Variants in CRACDL observed in about 807,000 individuals in gnomAD.
CRACDL encodes CRACD-like protein.
Under a neutral mutation model 70.6 loss-of-function variants are expected in CRACDL, and 26 were observed. The observed-to-expected ratio is 0.37, with a 90% CI of 0.27 to 0.51. The LOEUF (loss-of-function observed/expected upper bound fraction) is 0.51. Ranked by LOEUF, CRACDL falls within the 20% of genes least tolerant of loss-of-function variation. The probability of loss-of-function intolerance (pLI) is 0.94; values close to 1 mark genes in which losing one functional copy is unlikely to be tolerated. For missense variants in CRACDL, 1,283 were observed against 1,376.9 expected, an observed-to-expected ratio of 0.93 and a Z score of 1.08; for synonymous variants, 618 against 615.2, an observed-to-expected ratio of 1.00 and a Z score of -0.07.
chr2:98,868,166 A>C (rs1194802086), intron 1 of CRACDL, among the ~76,000 whole-genome samples: 2 of 152,216 alleles, frequency 1.3e-5, no homozygotes, highest in Non-Finnish European at 1.5e-5. Context: ...CTTCACAAGG[A>C]ATCCTTGAGT....
chr2:98,843,936 C>T (rs974303706), intron 2 of CRACDL, among the ~76,000 whole-genome samples: 1 of 152,178 alleles, frequency 6.6e-6, no homozygotes, highest in Admixed American at 6.5e-5. Flanking sequence ...ACCCCTCCTC[C>T]TCCCTGTTTC....
At chr2:98,881,918 T>G (rs1292294066) in intron 1 of CRACDL, among the ~76,000 whole-genome samples, 3 of 152,118 alleles carry the variant, frequency 2.0e-5, no homozygotes, top group Admixed American at 2.0e-4. Context: ...TAGGCTGCAC[T>G]CAGAAGGCCT....
chr2:98,794,425 T>C lies in CRACDL; in HGVS notation c.*107A>G, dbSNP rs1703714967. ...CCCCAAGTTCGTCATAACTTGATGA[T>C]AAAATCAATCTTTAAGTTTCACAGT... On this transcript the variant is annotated 3_prime_UTR_variant, in exon 10 of 10. Coordinates refer to ENST00000397899, the MANE Select transcript of CRACDL (RefSeq NM_207362.3). The C allele has an allele frequency of 2.8e-6, 3 of 1,064,824 alleles. No individual in the cohort carries two copies. Among genetic ancestry groups the C allele is most frequent in the Non-Finnish European group, 4.2e-6 (3 of 718,610 alleles). The allele number at this position is 1,064,824 out of a possible 1,614,324, so 66.0% of individuals were successfully genotyped here.
intron 3 of CRACDL, among the ~76,000 whole-genome samples, chr2:98,833,979 C>G: frequency 6.6e-6 from 1 of 152,334 alleles, no homozygotes; most frequent in African/African-American, 2.4e-5. Flanking sequence ...TAAACTCTCA[C>G]GCCTGCAACA....
intron 2 of CRACDL, chr2:98,840,673 G>A (rs1705991011): frequency 6.6e-6 from 1 of 152,070 alleles, no homozygotes; most frequent in African/African-American, 2.4e-5. Flanking sequence ...ATTTGTTGGG[G>A]AGGTTGCTTT....
intron 7 of CRACDL, among the ~76,000 whole-genome samples, chr2:98,809,561 G>T (rs1258480792): frequency 6.6e-6 from 1 of 152,150 alleles, no homozygotes; most frequent in Non-Finnish European, 1.5e-5. Context: ...CCTCTGCGCT[G>T]GTGGCTCACA....
At chr2:98,899,087 C>A (rs1488548929) in intron 1 of CRACDL, among the ~76,000 whole-genome samples, 1 of 152,162 alleles carries the variant, frequency 6.6e-6, no homozygotes, top group Non-Finnish European at 1.5e-5. Flanking sequence ...TGAATATAAA[C>A]AAGCTGACAT....
In CRACDL at chr2:98,870,553, TC is replaced by T. The variant is rs200681926; in HGVS notation, c.-10-23744del. On this transcript the variant is annotated intron_variant, in intron 1 of 9. Coordinates refer to ENST00000397899, the MANE Select transcript of CRACDL (RefSeq NM_207362.3). ...AGAGGGCCAATTAGCTGGTGGAGAGTCCCCTGTATCCTGGGAGGTGGTGCAG... is the reference window on the plus strand; with the variant it reads ...AGAGGGCCAATTAGCTGGTGGAGAGTCCCTGTATCCTGGGAGGTGGTGCAG... Among the ~76,000 whole-genome samples the T allele has an allele frequency of 8.9e-3, 1,347 of 151,712 alleles. 7 individuals are homozygous for T. The highest frequency in any genetic ancestry group is 0.014 in the Non-Finnish European group (926 of 67,866).
At chr2:98,841,510 T>C (rs12712033) in intron 2 of CRACDL, among the ~76,000 whole-genome samples, 64,423 of 151,916 alleles carry the variant, frequency 0.42, 14,388 homozygotes, top group African/African-American at 0.57. Context: ...TTCTGATTGT[T>C]AAAAAAAACC....
intron 1 of CRACDL, among the ~76,000 whole-genome samples, chr2:98,877,020 C>T (rs1319037753): frequency 6.6e-6 from 1 of 152,240 alleles, no homozygotes; most frequent in Non-Finnish European, 1.5e-5. Flanking sequence ...CATTGCCACG[C>T]TCCCATTACC....
At chr2:98,903,343 G>A (rs1231882418) in intron 1 of CRACDL, among the ~76,000 whole-genome samples, 2 of 152,022 alleles carry the variant, frequency 1.3e-5, no homozygotes, top group Non-Finnish European at 2.9e-5. Context: ...GACCATGATC[G>A]GGGGGCTGAG....
At chr2:98,902,611 G>A (rs1276557184) in intron 1 of CRACDL, among the ~76,000 whole-genome samples, 1 of 152,130 alleles carries the variant, frequency 6.6e-6, no homozygotes, top group African/African-American at 2.4e-5. Flanking sequence ...ATGAGCGTAG[G>A]TGGGGATCGC....
chr2:98,874,243 G>A (rs184001372), intron 1 of CRACDL, among the ~76,000 whole-genome samples: 2 of 152,222 alleles, frequency 1.3e-5, no homozygotes, highest in African/African-American at 4.8e-5. Context: ...TTCTTTTCTC[G>A]CTTAATACCC....
At chr2:98,880,371 G>C (rs1489151699) in intron 1 of CRACDL, among the ~76,000 whole-genome samples, 6 of 152,210 alleles carry the variant, frequency 3.9e-5, no homozygotes, top group Non-Finnish European at 5.9e-5. Flanking sequence ...GCTAGGCGCT[G>C]TTCTAAGTAG....
chr2:98,897,045 G>T (rs776677971), intron 1 of CRACDL, among the ~76,000 whole-genome samples: 1 of 152,106 alleles, frequency 6.6e-6, no homozygotes, highest in Non-Finnish European at 1.5e-5. Flanking sequence ...GTAGCCACCA[G>T]CACAGTCAGG....
intron 1 of CRACDL, among the ~76,000 whole-genome samples, chr2:98,898,950 G>C (rs1708197960): frequency 6.6e-6 from 1 of 152,164 alleles, no homozygotes; most frequent in African/African-American, 2.4e-5. Flanking sequence ...TCCAGACAGG[G>C]GTCACAATTC....
chr2:98,826,906 T>TTG, intron 6 of CRACDL, 69 bp downstream of exon 6: 1 of 1,019,024 alleles, frequency 9.8e-7, no homozygotes. Context: ...TGAGGCAGGT[T>TTG]GGGGGGGGGC....
chr2:98,918,249 G>C (rs1461232444), intron 1 of CRACDL, among the ~76,000 whole-genome samples: 1 of 151,990 alleles, frequency 6.6e-6, no homozygotes, highest in African/African-American at 2.4e-5. Flanking sequence ...CAGTGTAGAA[G>C]TGGCTGGGTG....
chr2:98,871,387 G>A (rs1449734997), intron 1 of CRACDL, among the ~76,000 whole-genome samples: 1 of 152,174 alleles, frequency 6.6e-6, no homozygotes, highest in Non-Finnish European at 1.5e-5. Flanking sequence ...CCAGCTATGA[G>A]TTAAATGGTC....
Sources: allele counts gnomAD v4.1 joint callset (sites outside exome capture counted in the v4.1 genomes callset), GRCh38; gene constraint gnomAD v4.1.1; transcripts MANE v1.5; gene names NCBI Gene and HGNC (gene_info 2026-07-23, HGNC 2026-07-21).